The following THSD4 variants were observed in gnomAD, a reference collection of about 807,000 sequenced individuals.
THSD4 encodes thrombospondin type 1 domain containing 4.
A neutral mutation model predicts 119.0 loss-of-function variants in THSD4; 69 were observed. The observed-to-expected ratio is 0.58, with a 90% confidence interval of 0.48 to 0.71. The LOEUF (loss-of-function observed/expected upper bound fraction) is 0.71, where lower values mean the gene tolerates loss of function less well. Ranked by LOEUF, THSD4 falls within the 30% of genes least tolerant of loss-of-function variation. THSD4 has a pLI of 0.00. For synonymous variants in THSD4, 524 were observed against 540.4 expected (o/e 0.97, Z 0.42); for missense variants, 1,393 against 1,391.1 (o/e 1.00, Z -0.02).
chr15:71,357,571 C>T (rs73437558), intron 6 of THSD4, among the ~76,000 whole-genome samples: 197 of 152,298 alleles, frequency 1.3e-3, no homozygotes, highest in African/African-American at 4.6e-3. Context: ...CAGAGCCCCA[C>T]GCCCTTGCTC....
At chr15:71,285,913 C>G (rs1045360413) in intron 6 of THSD4, among the ~76,000 whole-genome samples, 2 of 136,544 alleles carry the variant, frequency 1.5e-5, no homozygotes, top group African/African-American at 2.7e-5. Flanking sequence ...TAAAAATGTG[C>G]GTAGTTTCTT....
intron 6 of THSD4, among the ~76,000 whole-genome samples, chr15:71,353,324 G>C (rs11852640): frequency 0.46 from 69,927 of 152,030 alleles, 16,420 homozygotes; most frequent in South Asian, 0.52. Flanking sequence ...GATAAACAAG[G>C]CATGTGGATA....
At chr15:71,621,664 C>A (rs141333581) in intron 7 of THSD4, among the ~76,000 whole-genome samples, 8 of 152,266 alleles carry the variant, frequency 5.3e-5, no homozygotes, top group South Asian at 2.1e-4. Flanking sequence ...GACACTAAAA[C>A]TGTGGTGAAA....
intron 1 of THSD4, among the ~76,000 whole-genome samples, chr15:71,107,643 T>G (rs1009939001): frequency 2.0e-5 from 3 of 152,224 alleles, no homozygotes; most frequent in Non-Finnish European, 2.9e-5. Flanking sequence ...CATGTTTGCC[T>G]CTGCTTGATC....
Position 71,141,516 on chromosome 15 carries a change from AC to A in THSD4, c.-7del. On this transcript the variant is annotated 5_prime_UTR_variant, in exon 2 of 18. Coordinates refer to ENST00000261862, the MANE Select transcript of THSD4 (RefSeq NM_024817.3). ...CTGAAGAGCCCTTGCTTTTGCCTGG[AC>A]CCCCAGCATCATGGTTTCCCATTTC... is the stretch of plus-strand genomic sequence containing the variant. 6.2e-7 allele frequency: 1 copy of A among 1,608,124 alleles called. No individual in the cohort carries two copies.
chr15:71,515,567 A>G (rs890530953), intron 7 of THSD4, among the ~76,000 whole-genome samples: 1 of 152,094 alleles, frequency 6.6e-6, no homozygotes, highest in African/African-American at 2.4e-5. Context: ...CAATCTCTAC[A>G]TTGTCTTTAG....
At chr15:71,458,814 C>T (rs78082707) in intron 7 of THSD4, among the ~76,000 whole-genome samples, 2,209 of 152,262 alleles carry the variant, frequency 0.015, 20 homozygotes, top group Non-Finnish European at 0.02. Flanking sequence ...GAAAGAGGGC[C>T]ATTCTTATTC....
At chr15:71,303,194 C>T (rs1011627548) in intron 6 of THSD4, among the ~76,000 whole-genome samples, 1 of 152,072 alleles carries the variant, frequency 6.6e-6, no homozygotes, top group Non-Finnish European at 1.5e-5. Flanking sequence ...GCAGCCAGCA[C>T]AGAATGACTG....
chr15:71,279,399 CG>C (rs1172781745), intron 6 of THSD4, among the ~76,000 whole-genome samples: 1 of 152,114 alleles, frequency 6.6e-6, no homozygotes. Context: ...TTGTTTAAGC[CG>C]GCTTTGGAGG....
intron 6 of THSD4, among the ~76,000 whole-genome samples, chr15:71,304,741 C>A (rs1411105014): frequency 1.3e-5 from 2 of 152,116 alleles, no homozygotes; most frequent in African/African-American, 4.8e-5. Context: ...TAAGAGATTC[C>A]TTCCAACAAA....
intron 7 of THSD4, among the ~76,000 whole-genome samples, chr15:71,426,482 C>G (rs540278363): frequency 3.3e-5 from 5 of 152,066 alleles, no homozygotes; most frequent in African/African-American, 9.6e-5. Flanking sequence ...GTAGACCCTG[C>G]TCATTTTTCT....
chr15:71,679,990 CT>C (rs1427977085), intron 8 of THSD4, among the ~76,000 whole-genome samples: 1 of 152,118 alleles, frequency 6.6e-6, no homozygotes, highest in Non-Finnish European at 1.5e-5. Context: ...GGTTGAGCAC[CT>C]TATGATAGAA....
intron 7 of THSD4, among the ~76,000 whole-genome samples, chr15:71,639,845 AAAAAAG>A (rs1482454041): frequency 5.3e-4 from 80 of 152,118 alleles, no homozygotes; most frequent in Middle Eastern, 3.4e-3. Flanking sequence ...GCAAAAAAAA[AAAAAAG>A]AAAAGAAAAG....
chr15:71,170,468 TC>T (rs1220161772), intron 3 of THSD4, among the ~76,000 whole-genome samples: 1 of 152,136 alleles, frequency 6.6e-6, no homozygotes, highest in African/African-American at 2.4e-5. Context: ...CAGGAAGCTC[TC>T]ACCTCAGTAT....
chr15:71,598,837 C>T (rs1346914869), intron 7 of THSD4, among the ~76,000 whole-genome samples: 3 of 152,046 alleles, frequency 2.0e-5, no homozygotes, highest in Non-Finnish European at 4.4e-5. Flanking sequence ...AGGCTGGTCT[C>T]GAACTCCTGG....
intron 3 of THSD4, among the ~76,000 whole-genome samples, chr15:71,183,774 C>A (rs1303239328): frequency 1.3e-5 from 2 of 151,628 alleles, no homozygotes; most frequent in African/African-American, 4.8e-5. Context: ...AGCCTTGAAA[C>A]TGTTGGTTTT....
At chr15:71,292,924 TC>T (rs939021804) in intron 6 of THSD4, among the ~76,000 whole-genome samples, 5 of 152,126 alleles carry the variant, frequency 3.3e-5, no homozygotes, top group Non-Finnish European at 7.4e-5. Context: ...GATCCGCCCA[TC>T]TTGGCCTCCC....
intron 7 of THSD4, among the ~76,000 whole-genome samples, chr15:71,470,631 TA>T (rs201672479): frequency 4.6e-4 from 67 of 146,396 alleles, no homozygotes; most frequent in Admixed American, 1.1e-3. Context: ...AGGATTTTAT[TA>T]TTTTTTTTTT....
chr15:71,344,291 C>T (rs1172622994), intron 6 of THSD4, among the ~76,000 whole-genome samples: 2 of 151,908 alleles, frequency 1.3e-5, no homozygotes, highest in Non-Finnish European at 2.9e-5. Flanking sequence ...GATCCACCCG[C>T]CTCGGCCCCC....
Sources: allele counts gnomAD v4.1 joint callset (sites outside exome capture counted in the v4.1 genomes callset), GRCh38; gene constraint gnomAD v4.1.1; transcripts MANE v1.5; gene names NCBI Gene and HGNC (gene_info 2026-07-23, HGNC 2026-07-21).